The following DNER variants were observed in gnomAD, a reference collection of about 807,000 sequenced individuals.
The protein encoded by DNER is delta and Notch-like epidermal growth factor-related receptor.
Under a neutral mutation model 78.2 loss-of-function variants are expected in DNER, and 33 were observed. The ratio of observed to expected loss-of-function variants is 0.42; its 90% CI spans 0.32 to 0.56. The LOEUF is 0.56. Ranked by LOEUF, DNER falls within the 20% of genes least tolerant of loss-of-function variation. DNER has a pLI of 0.11. For synonymous variants in DNER, 417 were observed against 384.8 expected (o/e 1.08, Z -0.98); for missense variants, 918 against 975.3 (o/e 0.94, Z 0.78).
intron 6 of DNER, among the ~76,000 whole-genome samples, chr2:229,495,993 C>T (rs1695493005): frequency 6.6e-6 from 1 of 152,158 alleles, no homozygotes; most frequent in Admixed American, 6.5e-5. Context: ...CAGCTCTAGA[C>T]ACAGTATTGC....
chr2:229,436,768 G>C (rs1694128911), intron 8 of DNER, among the ~76,000 whole-genome samples: 1 of 152,212 alleles, frequency 6.6e-6, no homozygotes, highest in African/African-American at 2.4e-5. Flanking sequence ...GTCACCACCA[G>C]ACCTGCTTTA....
intron 9 of DNER, among the ~76,000 whole-genome samples, chr2:229,413,613 C>T (rs1693578155): frequency 6.6e-6 from 1 of 151,118 alleles, no homozygotes; most frequent in Admixed American, 6.6e-5. Flanking sequence ...GAGCCACCGC[C>T]CCCGGCCTTT....
chr2:229,460,364 T>G (rs1209665269), intron 7 of DNER, among the ~76,000 whole-genome samples: 1 of 151,752 alleles, frequency 6.6e-6, no homozygotes, highest in African/African-American at 2.4e-5. Context: ...TTTTAAAAAC[T>G]ATTACAAGCC....
intron 10 of DNER, among the ~76,000 whole-genome samples, chr2:229,397,166 T>C (rs951208365): frequency 1.3e-5 from 2 of 152,084 alleles, no homozygotes; most frequent in African/African-American, 4.8e-5. Flanking sequence ...GTAAAAACCC[T>C]AGACATTGTA....
chr2:229,521,006 G>C (rs1228955235), intron 5 of DNER, among the ~76,000 whole-genome samples: 1 of 152,198 alleles, frequency 6.6e-6, no homozygotes, highest in East Asian at 1.9e-4. Flanking sequence ...CAGTGTACTG[G>C]GGTCATGACT....
intron 12 of DNER, among the ~76,000 whole-genome samples, chr2:229,361,077 G>A (rs911933450): frequency 2.4e-4 from 37 of 152,100 alleles, no homozygotes; most frequent in Non-Finnish European, 3.4e-4. Context: ...AAATGACGTC[G>A]TTTATAGAAA....
At chr2:229,530,779 A>G (rs1187060977) in intron 5 of DNER, among the ~76,000 whole-genome samples, 2 of 152,246 alleles carry the variant, frequency 1.3e-5, no homozygotes, top group Admixed American at 6.5e-5. Context: ...CCTGTGGCAC[A>G]ATTAAATGCT....
chr2:229,687,927 T>C (rs1375839610), intron 1 of DNER, among the ~76,000 whole-genome samples: 1 of 152,224 alleles, frequency 6.6e-6, no homozygotes, highest in South Asian at 2.1e-4. Context: ...TCCTGTCCCC[T>C]TGATCTGGCT....
chr2:229,530,609 G>A (rs1696284047), intron 5 of DNER, among the ~76,000 whole-genome samples: 1 of 152,240 alleles, frequency 6.6e-6, no homozygotes, highest in South Asian at 2.1e-4. Context: ...TGCTGGGTTT[G>A]TCCATTACTA....
In DNER at chr2:229,367,062, G is replaced by C; in HGVS notation, c.1913C>G (p.Ser638Cys). The C allele has an allele frequency of 6.2e-7, 1 of 1,614,108 alleles. No homozygotes were observed. Among genetic ancestry groups the C allele is most frequent in the Non-Finnish European group, 8.5e-7 (1 of 1,180,002 alleles). ...GAGGGCTCCAATGATGATGTAGAGG[G>C]AGTGCCGTGGCATGTTGGTGAGGCT... ...AESLTNMPRH[S>C]LYIIIGALCV... The change falls in exon 12 of 13, where the codon TCC (serine) becomes TGC (cysteine). Residue 638 changes from serine to cysteine, a missense_variant. Coordinates refer to ENST00000341772, the MANE Select transcript of DNER (RefSeq NM_139072.4).
intron 1 of DNER, among the ~76,000 whole-genome samples, chr2:229,630,728 T>A (rs1574935910): frequency 1.3e-5 from 2 of 152,218 alleles, no homozygotes; most frequent in South Asian, 4.2e-4. Flanking sequence ...GTATGATTGA[T>A]CCCATCACCC....
At chr2:229,461,767 A>G (rs1421801937) in intron 7 of DNER, among the ~76,000 whole-genome samples, 1 of 152,074 alleles carries the variant, frequency 6.6e-6, no homozygotes, top group African/African-American at 2.4e-5. Context: ...GTAGCCAAAA[A>G]GTGCAAGCAG....
intron 7 of DNER, among the ~76,000 whole-genome samples, chr2:229,470,851 A>G (rs1023520849): frequency 6.6e-6 from 1 of 152,208 alleles, no homozygotes; most frequent in African/African-American, 2.4e-5. Context: ...ATGCTGTTTC[A>G]AACACAAAAT....
intron 1 of DNER, among the ~76,000 whole-genome samples, chr2:229,711,020 C>CACAG (rs1473744326): frequency 2.6e-5 from 4 of 150,956 alleles, no homozygotes; most frequent in Non-Finnish European, 2.9e-5. Flanking sequence ...CACACACACA[C>CACAG]AGGATACAAA....
intron 1 of DNER, among the ~76,000 whole-genome samples, chr2:229,678,579 G>A (rs1278137514): frequency 6.6e-6 from 1 of 152,224 alleles, no homozygotes; most frequent in East Asian, 1.9e-4. Context: ...CCAACATGCA[G>A]TAATAACCAA....
intron 4 of DNER, among the ~76,000 whole-genome samples, chr2:229,548,561 G>A (rs1487767215): frequency 6.6e-6 from 1 of 152,146 alleles, no homozygotes; most frequent in African/African-American, 2.4e-5. Context: ...ATGGACACAG[G>A]GAGGGGAACA....
intron 5 of DNER, among the ~76,000 whole-genome samples, chr2:229,530,477 G>C (rs1696282052): frequency 6.6e-6 from 1 of 152,182 alleles, no homozygotes; most frequent in Non-Finnish European, 1.5e-5. Context: ...AACCACTTCT[G>C]TCTGAGGACT....
intron 5 of DNER, among the ~76,000 whole-genome samples, chr2:229,530,338 G>T (rs10164573): frequency 0.026 from 3,921 of 152,132 alleles, 172 homozygotes; most frequent in African/African-American, 0.089. Context: ...TTGAACTCTG[G>T]GCAACTCTGG....
At chr2:229,577,679 TGA>T (rs1697328341) in intron 4 of DNER, among the ~76,000 whole-genome samples, 1 of 151,886 alleles carries the variant, frequency 6.6e-6, no homozygotes, top group South Asian at 2.1e-4. Context: ...ATGCCCTGCC[TGA>T]GTTTTCTGAT....
Sources: gnomAD v4.1 joint callset for allele counts (sites outside exome capture counted in the v4.1 genomes callset) on GRCh38, gnomAD v4.1.1 for gene constraint, MANE v1.5 for transcripts, NCBI Gene and HGNC (gene_info 2026-07-23, HGNC 2026-07-21) for gene names.